KIF26B: variants seen among roughly 807,000 people sequenced by gnomAD.
The protein encoded by KIF26B is kinesin family member 26B, also known as kinesin-like protein KIF26B.
KIF26B carries 63 observed loss-of-function variants against 151.2 expected under a neutral mutation model. That is an observed-to-expected ratio of 0.42 (90% CI 0.34 to 0.51). The LOEUF is 0.51. Among genes scored for constraint, KIF26B ranks in the 20% least tolerant of loss-of-function variants. The pLI is 0.07. For missense variants in KIF26B, 2,813 were observed against 2,913.6 expected, an observed-to-expected ratio of 0.97 and a Z score of 0.79; for synonymous variants, 1,357 against 1,262.1, an observed-to-expected ratio of 1.08 and a Z score of -1.59.
rs756413889 is a variant in KIF26B at position 245,360,442 on chromosome 1, C to A, written c.466-6392C>A. ...ATTTAAGGGTGATAATAATTACTAC[C>A]ACTTATTCAGCATTTACCAAGGGCC... On this transcript the variant is annotated intron_variant, in intron 2 of 14. Transcript: ENST00000407071. Among the ~76,000 whole-genome samples, 53 of 152,110 alleles carry A rather than the reference C, an allele frequency of 3.5e-4. 1 individual carries two copies. The highest frequency in any genetic ancestry group is 1.9e-4 in the East Asian group (1 of 5,192).
intron 3 of KIF26B, chr1:245,370,758 G>A: frequency 5.1e-6 from 2 of 395,856 alleles, no homozygotes; most frequent in South Asian, 1.8e-5. Flanking sequence ...GCCGATTAGG[G>A]ATTATTTGTG....
At chr1:245,505,005 CTT>C (rs1660703753) in intron 4 of KIF26B, among the ~76,000 whole-genome samples, 1 of 152,104 alleles carries the variant, frequency 6.6e-6, no homozygotes, top group African/African-American at 2.4e-5. Flanking sequence ...ATGGCACACT[CTT>C]GGCTCACTGC....
chr1:245,261,493 CTCTCT>C (rs1670641102), intron 2 of KIF26B, among the ~76,000 whole-genome samples: 2 of 119,896 alleles, frequency 1.7e-5, no homozygotes, highest in South Asian at 2.4e-4. Flanking sequence ...CTCTCTCTCT[CTCTCT>C]CTCTCCCTCC....
At chr1:245,346,604 G>A (rs562206272) in intron 2 of KIF26B, among the ~76,000 whole-genome samples, 1 of 152,182 alleles carries the variant, frequency 6.6e-6, no homozygotes, top group Non-Finnish European at 1.5e-5. Context: ...CGGTACTCTG[G>A]CTTCTCAGGT....
chr1:245,193,636 A>T (rs1415759947), intron 2 of KIF26B, among the ~76,000 whole-genome samples: 1 of 152,234 alleles, frequency 6.6e-6, no homozygotes, highest in East Asian at 1.9e-4. Context: ...ACATCATTTA[A>T]TGTTCACAGC....
At chr1:245,526,855 T>C (rs528710341) in intron 4 of KIF26B, among the ~76,000 whole-genome samples, 2 of 152,370 alleles carry the variant, frequency 1.3e-5, no homozygotes, top group Non-Finnish European at 2.9e-5. Flanking sequence ...ATGGGAAAAG[T>C]GAAAATAAAG....
chr1:245,232,996 G>A (rs1670029688), intron 2 of KIF26B, among the ~76,000 whole-genome samples: 1 of 152,190 alleles, frequency 6.6e-6, no homozygotes, highest in Non-Finnish European at 1.5e-5. Flanking sequence ...GCATTTGTTG[G>A]AAGTTGAAAT....
rs375785913 is a variant in KIF26B at position 245,400,290 on chromosome 1, G to A, written c.1000-19289G>A. Among the ~76,000 whole-genome samples the A allele has an allele frequency of 8.7e-4, 133 of 152,204 alleles. 4 individuals carry two copies. In the South Asian group the frequency reaches 0.026, roughly 29 times the overall value. On this transcript the variant is annotated intron_variant, in intron 3 of 14. Transcript: ENST00000407071. ...AATTTTGACATAGGCTTTCTTTTTG[G>A]CTGCCCTAAGTATTTATCCTTTTCA...
At chr1:245,617,626 T>C (rs1316683135) in intron 9 of KIF26B, among the ~76,000 whole-genome samples, 1 of 152,142 alleles carries the variant, frequency 6.6e-6, no homozygotes, top group East Asian at 1.9e-4. Flanking sequence ...ACTACAGGGC[T>C]CTCATCTCCC....
intron 9 of KIF26B, among the ~76,000 whole-genome samples, chr1:245,624,259 T>G (rs914211743): frequency 6.7e-6 from 1 of 149,248 alleles, no homozygotes; most frequent in Non-Finnish European, 1.5e-5. Flanking sequence ...AGAACTGGAA[T>G]CTTATCAATG....
intron 9 of KIF26B, among the ~76,000 whole-genome samples, chr1:245,628,373 C>T (rs575842230): frequency 2.6e-5 from 4 of 152,222 alleles, no homozygotes; most frequent in South Asian, 4.1e-4. Flanking sequence ...CCCAGCTAAT[C>T]GGGAGGCTGA....
At chr1:245,202,628 C>T (rs1040847994) in intron 2 of KIF26B, among the ~76,000 whole-genome samples, 8 of 151,974 alleles carry the variant, frequency 5.3e-5, no homozygotes, top group Non-Finnish European at 1.0e-4. Context: ...GACGTGGTGG[C>T]GGGCGCCTGT....
chr1:245,392,382 A>G (rs1419741694), intron 3 of KIF26B, among the ~76,000 whole-genome samples: 1 of 152,214 alleles, frequency 6.6e-6, no homozygotes, highest in African/African-American at 2.4e-5. Flanking sequence ...TTTGCAGCTG[A>G]GCTGTGTAAT....
chr1:245,521,216 A>G (rs1661096713), intron 4 of KIF26B, among the ~76,000 whole-genome samples: 1 of 152,102 alleles, frequency 6.6e-6, no homozygotes, highest in African/African-American at 2.4e-5. Flanking sequence ...GAGCACCTGT[A>G]GTCCCAGCTA....
chr1:245,594,468 A>C (rs2103139300), intron 5 of KIF26B, among the ~76,000 whole-genome samples: 1 of 152,340 alleles, frequency 6.6e-6, no homozygotes, highest in African/African-American at 2.4e-5. Flanking sequence ...GTCAAAGACC[A>C]GATTATTGTA....
Position 245,646,214 on chromosome 1 carries a change from T to G in KIF26B, c.2192T>G (p.Leu731Arg). The change falls in exon 10 of 15, where the codon CTC becomes CGC. Residue 731 changes from leucine to arginine, a missense_variant. Coordinates refer to ENST00000407071, the MANE Select transcript of KIF26B (RefSeq NM_018012.4). The stretch of plus-strand genomic sequence containing the variant: ...CGAGAAGGAGGCTCAGGGCTGTGTC[T>G]CTCGCTGTCTGCTCTGGGCAATGTC... ...KNREGGSGLCLSLSALGNVIL... is the reference protein window; with the variant it reads ...KNREGGSGLCRSLSALGNVIL... The G allele has an allele frequency of 6.2e-7, 1 of 1,613,994 alleles. No individual in the cohort carries two copies. Among genetic ancestry groups the G allele is most frequent in the Non-Finnish European group, 8.5e-7 (1 of 1,179,886 alleles).
intron 2 of KIF26B, among the ~76,000 whole-genome samples, chr1:245,298,367 C>T (rs1671373086): frequency 6.6e-6 from 1 of 152,162 alleles, no homozygotes; most frequent in South Asian, 2.1e-4. Flanking sequence ...ATAGCGGTAA[C>T]ATGAACCTTG....
At chr1:245,219,170 G>T (rs2103548038) in intron 2 of KIF26B, among the ~76,000 whole-genome samples, 4 of 103,264 alleles carry the variant, frequency 3.9e-5, no homozygotes, top group African/African-American at 1.2e-4. Context: ...ACGGAGTCTT[G>T]CTCTGTTGCC....
At chr1:245,230,156 A>G (rs1423179642) in intron 2 of KIF26B, among the ~76,000 whole-genome samples, 2 of 142,444 alleles carry the variant, frequency 1.4e-5, no homozygotes, top group East Asian at 3.9e-4. Context: ...ACAAAAAGCA[A>G]AAAAAAAAAA....
Sources: gnomAD v4.1 joint callset for allele counts (sites outside exome capture counted in the v4.1 genomes callset) on GRCh38, gnomAD v4.1.1 for gene constraint, MANE v1.5 for transcripts, NCBI Gene and HGNC (gene_info 2026-07-23, HGNC 2026-07-21) for gene names.